Variants in GABRA4 observed in about 807,000 individuals in gnomAD.
The protein encoded by GABRA4 is gamma-aminobutyric acid receptor subunit alpha-4.
In GABRA4, 12 loss-of-function variants were observed where a neutral mutation model predicts 49.7. The observed-to-expected ratio is 0.24, with a 90% CI of 0.15 to 0.39. GABRA4 has a LOEUF of 0.39. Among genes scored for constraint, GABRA4 ranks in the 10% least tolerant of loss-of-function variants. The pLI is 1.00. For missense variants in GABRA4, 506 were observed against 686.0 expected (o/e 0.74, Z 2.93); for synonymous variants, 288 against 240.2 (o/e 1.20, Z -1.84).
At chr4:46,980,742 G>C (rs553492826) in intron 2 of GABRA4, among the ~76,000 whole-genome samples, 27 of 152,156 alleles carry the variant, frequency 1.8e-4, no homozygotes, top group Admixed American at 1.8e-3. Flanking sequence ...ATTGTTCCAG[G>C]AATAGCTAGG....
chr4:46,924,008 G>T lies in GABRA4; in HGVS notation c.*4217C>A, dbSNP rs577162476. 6.6e-6 allele frequency: 1 copy of T among 152,152 alleles called. No individual in the cohort carries two copies. Among genetic ancestry groups the T allele is most frequent in the East Asian group, 1.9e-4 (1 of 5,168 alleles). The allele number at this position is 152,152 out of a possible 1,614,324, so 9.4% of individuals were successfully genotyped here. A position where few individuals can be genotyped will look rare whatever the true frequency, so the allele number is the denominator to read the frequency against. On this transcript the variant is annotated 3_prime_UTR_variant, in exon 9 of 9. Transcript: ENST00000264318. ...GCTTTCATTTTTTTGTTTGTTTGTG[G>T]AAGTGGGAATGGAGGCTATAAGAAC...
intron 2 of GABRA4, among the ~76,000 whole-genome samples, chr4:46,991,978 AG>A (rs1254099266): frequency 6.6e-6 from 1 of 152,216 alleles, no homozygotes; most frequent in African/African-American, 2.4e-5. Flanking sequence ...TTGAGATCAA[AG>A]GACCTGGGCC....
intron 2 of GABRA4, among the ~76,000 whole-genome samples, chr4:46,988,246 AATT>A (rs1485808001): frequency 2.0e-5 from 3 of 151,994 alleles, no homozygotes; most frequent in Non-Finnish European, 2.9e-5. Flanking sequence ...ATTTTCATGT[AATT>A]ATTTTATTAT....
At chr4:46,971,560 T>A (rs1722947871) in intron 6 of GABRA4, among the ~76,000 whole-genome samples, 1 of 151,496 alleles carries the variant, frequency 6.6e-6, no homozygotes, top group African/African-American at 2.4e-5. Flanking sequence ...TCAGCGTTTT[T>A]TAGAAACAGC....
At chr4:46,959,836 G>A (rs871209) in intron 8 of GABRA4, among the ~76,000 whole-genome samples, 35,857 of 120,654 alleles carry the variant, frequency 0.3, 4,876 homozygotes, top group Admixed American at 0.44. Context: ...ATATATATAT[G>A]TGTGTGTGTG....
intron 2 of GABRA4, among the ~76,000 whole-genome samples, chr4:46,981,728 A>G (rs1723363621): frequency 6.6e-6 from 1 of 152,160 alleles, no homozygotes; most frequent in Non-Finnish European, 1.5e-5. Flanking sequence ...ACAGAATGCT[A>G]TCATTTCTAA....
chr4:46,933,774 A>G (rs111742151), intron 8 of GABRA4, among the ~76,000 whole-genome samples: 232 of 152,334 alleles, frequency 1.5e-3, no homozygotes, highest in Non-Finnish European at 2.8e-3. Context: ...TAGCTGATGC[A>G]CAGTGGTTTC....
At chr4:46,960,651 A>T (rs546625855) in intron 8 of GABRA4, among the ~76,000 whole-genome samples, 6 of 151,694 alleles carry the variant, frequency 4.0e-5, no homozygotes, top group Non-Finnish European at 8.8e-5. Context: ...AAGTAGCAAC[A>T]TAATTATAGA....
At chr4:46,943,462 C>G (rs953610768) in intron 8 of GABRA4, among the ~76,000 whole-genome samples, 3 of 152,258 alleles carry the variant, frequency 2.0e-5, no homozygotes, top group African/African-American at 7.2e-5. Context: ...TCTCTCTACT[C>G]TTCATTAAAA....
At chr4:46,966,138 G>A (rs192149572) in intron 7 of GABRA4, among the ~76,000 whole-genome samples, 17 of 151,816 alleles carry the variant, frequency 1.1e-4, no homozygotes, top group Admixed American at 1.1e-3. Flanking sequence ...TTGAACTCTT[G>A]TCTATTTCTG....
intron 8 of GABRA4, among the ~76,000 whole-genome samples, chr4:46,957,133 C>T (rs974411970): frequency 6.6e-6 from 1 of 151,782 alleles, no homozygotes; most frequent in Admixed American, 6.6e-5. Flanking sequence ...TAACTTAATC[C>T]TTATTATAAG....
intron 8 of GABRA4, among the ~76,000 whole-genome samples, chr4:46,939,600 A>G (rs1721722548): frequency 6.6e-6 from 1 of 152,052 alleles, no homozygotes; most frequent in African/African-American, 2.4e-5. Flanking sequence ...GAAAATATAT[A>G]TACTCATGGA....
intron 8 of GABRA4, among the ~76,000 whole-genome samples, chr4:46,961,962 G>A (rs892648843): frequency 4.0e-5 from 6 of 151,842 alleles, no homozygotes; most frequent in African/African-American, 1.2e-4. Context: ...CTTTTTAATT[G>A]TTTGTTTGTT....
chr4:46,928,349 C>T lies in GABRA4; in HGVS notation c.1541G>A (p.Gly514Asp). Residue 514 changes from glycine (G) to aspartate (D), a missense_variant, in exon 9 of 9, where the codon GGC (glycine) becomes GAC (aspartate). By Grantham distance (94) the Gly-to-Asp change is moderately conservative (BLOSUM62 -1). Around this residue, in one of 5 missense-constraint regions of GABRA4, gnomAD observed 243 missense variants for 210.8 expected, o/e 1.15. Coordinates refer to ENST00000264318, the MANE Select transcript of GABRA4 (RefSeq NM_000809.4). The stretch of plus-strand genomic sequence containing the variant: ...GGCATATTTGTCTATTTTACTTGTG[C>T]CAGATCCAGAAGGTGGTGGAGCCGA... ...PPSAPPPSGS[G>D]TSKIDKYARI... The T allele has an allele frequency of 6.2e-7, 1 of 1,613,534 alleles. No homozygotes were observed. The highest frequency in any genetic ancestry group is 8.5e-7 in the Non-Finnish European group (1 of 1,179,668).
At chr4:46,932,469 A>G (rs1398125965) in intron 8 of GABRA4, among the ~76,000 whole-genome samples, 1 of 152,164 alleles carries the variant, frequency 6.6e-6, no homozygotes, top group Admixed American at 6.6e-5. Flanking sequence ...TACTCATAGT[A>G]GTATAATGTT....
chr4:46,992,967 A>AC (rs397993250), intron 1 of GABRA4, 21 bp from the exon 2 acceptor site: 2 of 1,463,434 alleles, frequency 1.4e-6, no homozygotes, highest in Non-Finnish European at 1.9e-6. Flanking sequence ...AAAAAAAAAA[A>AC]CCGGGGGCGG....
intron 8 of GABRA4, among the ~76,000 whole-genome samples, chr4:46,931,524 A>G (rs140372709): frequency 1.3e-5 from 2 of 152,190 alleles, no homozygotes; most frequent in East Asian, 3.9e-4. Context: ...AGTGACACCA[A>G]TTCATCATTT....
chr4:46,957,724 T>C (rs1335242160), intron 8 of GABRA4, among the ~76,000 whole-genome samples: 2 of 151,952 alleles, frequency 1.3e-5, no homozygotes, highest in Middle Eastern at 3.2e-3. Context: ...AATCAGTCAT[T>C]AAGTCTTGAA....
chr4:46,937,158 T>C (rs1452832622), intron 8 of GABRA4, among the ~76,000 whole-genome samples: 1 of 152,206 alleles, frequency 6.6e-6, no homozygotes, highest in Non-Finnish European at 1.5e-5. Context: ...CAGGTTTCTC[T>C]CTGTCTTCTC....
Sources: allele counts gnomAD v4.1 joint callset (sites outside exome capture counted in the v4.1 genomes callset), GRCh38; gene constraint gnomAD v4.1.1; regional missense constraint gnomAD v4.1.1; transcripts MANE v1.5; gene names NCBI Gene and HGNC (gene_info 2026-07-23, HGNC 2026-07-21).